The following DPP10 variants were observed in gnomAD, a reference collection of about 807,000 sequenced individuals.
DPP10 encodes the protein dipeptidyl peptidase like 10.
Under a neutral mutation model 120.9 loss-of-function variants are expected in DPP10, and 33 were observed. The ratio of observed to expected loss-of-function variants is 0.27; its 90% CI spans 0.21 to 0.37. The LOEUF (loss-of-function observed/expected upper bound fraction) is 0.37. Ranked by LOEUF, DPP10 falls within the 10% of genes least tolerant of loss-of-function variation. The pLI is 1.00. For synonymous variants in DPP10, 337 were observed against 326.1 expected (o/e 1.03, Z -0.36); for missense variants, 816 against 942.8 (o/e 0.87, Z 1.76).
chr2:114,729,732 A>G (rs1426447725), intron 1 of DPP10, among the ~76,000 whole-genome samples: 1 of 152,200 alleles, frequency 6.6e-6, no homozygotes, highest in African/African-American at 2.4e-5. Flanking sequence ...TATAGAGACT[A>G]TTGTTGTGAT....
At chr2:115,775,370 G>T (rs2034257) in intron 13 of DPP10, among the ~76,000 whole-genome samples, 39,981 of 151,312 alleles carry the variant, frequency 0.26, 5,564 homozygotes, top group Middle Eastern at 0.44. Flanking sequence ...CAGTTCCAAA[G>T]TATAAATAAT....
At chr2:115,244,390 TGAAAG>T (rs1461465856) in intron 1 of DPP10, among the ~76,000 whole-genome samples, 2 of 151,532 alleles carry the variant, frequency 1.3e-5, no homozygotes, top group Admixed American at 6.6e-5. Context: ...TTCACCAAGA[TGAAAG>T]GAATATAAAA....
chr2:114,702,088 T>A (rs1220669759), intron 1 of DPP10, among the ~76,000 whole-genome samples: 1 of 152,130 alleles, frequency 6.6e-6, no homozygotes, highest in Non-Finnish European at 1.5e-5. Flanking sequence ...TGTAATGTGA[T>A]TGTCAATGTA....
intron 1 of DPP10, among the ~76,000 whole-genome samples, chr2:114,838,370 T>C (rs1687899781): frequency 6.6e-6 from 1 of 152,164 alleles, no homozygotes. Flanking sequence ...CAGGCTGGAG[T>C]GCAGTGTCAC....
chr2:114,889,751 C>T (rs1417435169), intron 1 of DPP10, among the ~76,000 whole-genome samples: 1 of 152,104 alleles, frequency 6.6e-6, no homozygotes. Context: ...AAAATTTTCA[C>T]AATAGTACTT....
At chr2:114,562,325 T>G (rs1445398358) in intron 1 of DPP10, among the ~76,000 whole-genome samples, 1 of 152,228 alleles carries the variant, frequency 6.6e-6, no homozygotes, top group Non-Finnish European at 1.5e-5. Flanking sequence ...TGAAAGTATC[T>G]TCCTCCCACC....
intron 5 of DPP10, among the ~76,000 whole-genome samples, chr2:115,533,765 C>G (rs927633535): frequency 4.6e-5 from 7 of 152,054 alleles, no homozygotes; most frequent in African/African-American, 1.7e-4. Flanking sequence ...ATGTGGGACT[C>G]TGAGTTCATC....
chr2:115,799,150 C>T (rs1684876039), intron 19 of DPP10, among the ~76,000 whole-genome samples: 1 of 151,982 alleles, frequency 6.6e-6, no homozygotes, highest in South Asian at 2.1e-4. Context: ...CTGATTTCCT[C>T]TAGACATTAA....
chr2:115,725,942 C>T (rs545841452), intron 7 of DPP10, among the ~76,000 whole-genome samples: 7 of 152,166 alleles, frequency 4.6e-5, no homozygotes, highest in African/African-American at 9.6e-5. Flanking sequence ...TATCAGGGGT[C>T]GTGAAAGTCA....
chr2:114,741,199 C>T (rs1218186083), intron 1 of DPP10, among the ~76,000 whole-genome samples: 1 of 152,206 alleles, frequency 6.6e-6, no homozygotes, highest in African/African-American at 2.4e-5. Context: ...CATCTGTCTA[C>T]CAAAGCTACT....
chr2:115,811,509 C>T (rs1303254922), intron 19 of DPP10, among the ~76,000 whole-genome samples: 2 of 152,196 alleles, frequency 1.3e-5, no homozygotes. Flanking sequence ...ACTTGCCTGC[C>T]ATAAAATGTC....
intron 5 of DPP10, among the ~76,000 whole-genome samples, chr2:115,637,411 G>A (rs1440323054): frequency 1.3e-5 from 2 of 152,106 alleles, no homozygotes; most frequent in African/African-American, 2.4e-5. Context: ...TAGATGCAAA[G>A]TACAAATTTC....
intron 3 of DPP10, chr2:115,468,849 G>A (rs974271834): frequency 1.9e-5 from 8 of 418,710 alleles, no homozygotes; most frequent in Non-Finnish European, 3.2e-5. Flanking sequence ...GCTGAAGACT[G>A]GAGCACTCAA....
intron 5 of DPP10, among the ~76,000 whole-genome samples, chr2:115,592,580 CAAAAAAAACA>C (rs1378186784): frequency 1.8e-4 from 1 of 5,416 alleles, no homozygotes. Context: ...TAAAAAAAAA[CAAAAAAAACA>C]AAAAAAAAAA....
chr2:114,795,611 T>C (rs1049324592), intron 1 of DPP10, among the ~76,000 whole-genome samples: 5 of 151,850 alleles, frequency 3.3e-5, no homozygotes, highest in Non-Finnish European at 7.4e-5. Context: ...AACAACAGAG[T>C]TTTGAACTAT....
intron 2 of DPP10, among the ~76,000 whole-genome samples, chr2:115,318,174 C>T (rs546370049): frequency 1.3e-5 from 2 of 152,126 alleles, no homozygotes; most frequent in South Asian, 2.1e-4. Flanking sequence ...AACCATTTCA[C>T]CCAGCACCAT....
chr2:115,691,171 T>A (rs1448549846), intron 7 of DPP10, among the ~76,000 whole-genome samples: 1 of 152,168 alleles, frequency 6.6e-6, no homozygotes, highest in Admixed American at 6.6e-5. Flanking sequence ...ATACATTGTT[T>A]GGTCTATCTT....
At chr2:114,868,776 T>C (rs62165246) in intron 1 of DPP10, among the ~76,000 whole-genome samples, 4 of 152,152 alleles carry the variant, frequency 2.6e-5, no homozygotes, top group Non-Finnish European at 5.9e-5. Context: ...ACAAAAACAA[T>C]TCTTTTTAGG....
At position 115,113,075 on chromosome 2, in the gene DPP10, C is replaced by CGT. The variant is rs756939666; in HGVS notation, c.61-196152_61-196151dup. 4.9e-4 allele frequency among the ~76,000 whole-genome samples: 75 copies of CGT among 151,614 alleles called. 1 individual carries two copies. The highest frequency in any genetic ancestry group is 1.1e-3 in the African/African-American group (44 of 41,362). On this transcript the variant is annotated intron_variant, in intron 1 of 25. Coordinates refer to ENST00000410059, the MANE Select transcript of DPP10 (RefSeq NM_020868.6). ...TCTGGTTCCCAAAGTGACTAAGTTA[C>CGT]GTGTGTGTGTGTGGTATATTTGTGT...
Sources: allele counts gnomAD v4.1 joint callset (sites outside exome capture counted in the v4.1 genomes callset), GRCh38; gene constraint gnomAD v4.1.1; transcripts MANE v1.5; gene names NCBI Gene and HGNC (gene_info 2026-07-23, HGNC 2026-07-21).